Variants in USH2A observed in about 807,000 individuals in gnomAD.
USH2A encodes Usher syndrome 2A (autosomal recessive, mild).
A neutral mutation model predicts 538.9 loss-of-function variants in USH2A; 443 were observed. That is an observed-to-expected ratio of 0.82 (90% CI 0.76 to 0.89). USH2A has a LOEUF of 0.89. Ranked by LOEUF, USH2A falls within the 40% of genes least tolerant of loss-of-function variation. The pLI is 0.00. For synonymous variants in USH2A, 2,413 were observed against 2,273.5 expected, an observed-to-expected ratio of 1.06 and a Z score of -1.75; for missense variants, 6,633 against 6,324.8, an observed-to-expected ratio of 1.05 and a Z score of -1.65.
chr1:215,707,718 A>G (rs1659219426), intron 61 of USH2A, among the ~76,000 whole-genome samples: 1 of 152,222 alleles, frequency 6.6e-6, no homozygotes, highest in East Asian at 1.9e-4. Context: ...TAGGCACTAA[A>G]TGGAAAGGAA....
At chr1:216,083,235 T>TA in intron 26 of USH2A, 1 of 445,694 alleles carries the variant, frequency 2.2e-6, no homozygotes, top group African/African-American at 2.0e-5. Context: ...TCTGTTTTCT[T>TA]AAAATTATAA....
chr1:216,239,621 G>A (rs1231492849), intron 13 of USH2A, among the ~76,000 whole-genome samples: 1 of 152,132 alleles, frequency 6.6e-6, no homozygotes, highest in African/African-American at 2.4e-5. Flanking sequence ...TATTAGCTAT[G>A]GTGAAAAGCA....
intron 21 of USH2A, among the ~76,000 whole-genome samples, chr1:216,105,050 C>T (rs1445175215): frequency 6.6e-6 from 1 of 152,088 alleles, no homozygotes; most frequent in Non-Finnish European, 1.5e-5. Context: ...CCAACAGACA[C>T]ATGAAAAAAT....
rs1661682573 is a variant in USH2A, at chr1:215,782,850, T to C, written c.10473A>G (p.Arg3491=). Residue 3491 remains arginine, a synonymous_variant, in exon 53 of 72, where the codon AGA becomes AGG. Coordinates refer to ENST00000307340, the MANE Select transcript of USH2A (RefSeq NM_206933.4). ...SYGRGLSKAV[R]ARTKEDVPQG... ...GAGGCACATCTTCTTTTGTTCTGGCTCTCACAGCTTTGCTGAGTCCTCGCC... is the reference window on the plus strand; with the variant it reads ...GAGGCACATCTTCTTTTGTTCTGGCCCTCACAGCTTTGCTGAGTCCTCGCC... 1 of 1,613,978 alleles carries C rather than the reference T, an allele frequency of 6.2e-7. No individual in the cohort carries two copies. Among genetic ancestry groups the C allele is most frequent in the East Asian group, 2.2e-5 (1 of 44,860 alleles).
chr1:216,339,824 C>G (rs1409264613), intron 4 of USH2A, among the ~76,000 whole-genome samples: 1 of 151,202 alleles, frequency 6.6e-6, no homozygotes, highest in African/African-American at 2.5e-5. Flanking sequence ...CTCTGGAACA[C>G]AGCTAAGGCA....
chr1:215,636,138 A>C (rs1219021953), intron 69 of USH2A, among the ~76,000 whole-genome samples: 1 of 152,180 alleles, frequency 6.6e-6, no homozygotes, highest in South Asian at 2.1e-4. Context: ...AAGAACAAGC[A>C]GACACAACTG....
chr1:215,665,383 T>G (rs1402459883), intron 64 of USH2A, among the ~76,000 whole-genome samples: 13 of 152,126 alleles, frequency 8.5e-5, no homozygotes, highest in Admixed American at 8.5e-4. Context: ...ACCCTGAGTG[T>G]GCGTGGGTGC....
chr1:216,163,631 A>G (rs547111672), intron 21 of USH2A, among the ~76,000 whole-genome samples: 1,986 of 105,666 alleles, frequency 0.019, 38 homozygotes, highest in African/African-American at 0.069. Flanking sequence ...TTTGGTAAAA[A>G]AATAACTTTT....
At chr1:215,751,186 T>C (rs193158753) in intron 58 of USH2A, among the ~76,000 whole-genome samples, 1 of 152,272 alleles carries the variant, frequency 6.6e-6, no homozygotes, top group East Asian at 1.9e-4. Flanking sequence ...TGCCAAGATG[T>C]CTAATGTCCA....
intron 55 of USH2A, among the ~76,000 whole-genome samples, chr1:215,777,785 T>C (rs966814307): frequency 9.2e-5 from 14 of 152,242 alleles, no homozygotes; most frequent in African/African-American, 3.4e-4. Flanking sequence ...ATACAGGCAG[T>C]GAATGCCTTG....
At chr1:216,395,988 A>G (rs1182870862) in intron 3 of USH2A, among the ~76,000 whole-genome samples, 1 of 152,060 alleles carries the variant, frequency 6.6e-6, no homozygotes, top group East Asian at 1.9e-4. Context: ...CACTGTTTCA[A>G]CTCCTCCACA....
At chr1:216,046,008 TGTGTG>T (rs770026214) in intron 32 of USH2A, among the ~76,000 whole-genome samples, 8 of 59,648 alleles carry the variant, frequency 1.3e-4, no homozygotes, top group Non-Finnish European at 2.2e-4. Flanking sequence ...ATTTATCTGG[TGTGTG>T]TGTGTGTGTG....
intron 3 of USH2A, among the ~76,000 whole-genome samples, chr1:216,377,811 GAAAGAAAGAA>G (rs2038854542): frequency 1.2e-4 from 1 of 8,188 alleles, no homozygotes; most frequent in African/African-American, 3.8e-4. Flanking sequence ...GAAATAAAAA[GAAAGAAAGAA>G]AGAAAGAAAG....
Position 215,888,504 on chromosome 1 carries a change from T to C in USH2A, c.8145A>G (p.Val2715=), listed in dbSNP as rs761743985. 3.7e-6 allele frequency: 6 copies of C among 1,614,166 alleles called. No homozygotes were observed. In the South Asian group the frequency reaches 6.6e-5, roughly 18 times the overall value. The change falls in exon 41 of 72, where the codon GTA becomes GTG. Residue 2715 remains valine, a synonymous_variant. Transcript: ENST00000307340. ...LHGGTNSSAW[V]EVTTRPSRPA... is the part of the protein sequence containing the mutation. ...GTCGTGAGGGTCTTGTGGTAACTTC[T>C]ACCCAAGCACTGCTGTTTGTGCCTC...
At chr1:215,726,807 T>C (rs1417413477) in intron 61 of USH2A, among the ~76,000 whole-genome samples, 1 of 152,308 alleles carries the variant, frequency 6.6e-6, no homozygotes, top group East Asian at 1.9e-4. Context: ...GCCTAACACT[T>C]GGTATATGAT....
At chr1:216,344,293 A>C (rs12078537) in intron 4 of USH2A, among the ~76,000 whole-genome samples, 2,766 of 152,192 alleles carry the variant, frequency 0.018, 89 homozygotes, top group African/African-American at 0.061. Context: ...TGTCTGTCAA[A>C]ATTTAAGATT....
intron 13 of USH2A, among the ~76,000 whole-genome samples, chr1:216,235,489 C>G (rs988709801): frequency 7.2e-5 from 11 of 152,238 alleles, no homozygotes; most frequent in Middle Eastern, 3.4e-3. Context: ...TTAGACATGA[C>G]AAATCTCAAG....
chr1:216,056,782 T>TTG lies in USH2A; in HGVS notation c.6050-8137_6050-8136dup, dbSNP rs148484406. On this transcript the variant is annotated intron_variant, in intron 30 of 71. Transcript: ENST00000307340. ...TTTATAAGAAATTCTATGTGTGCAT[T>TTG]TGTGTGTGTGTGTGTGTGTGTGAGA... Among the ~76,000 whole-genome samples, 1,473 of 149,360 alleles carry TTG rather than the reference T, an allele frequency of 9.9e-3. 24 individuals are homozygous for TTG. The highest frequency in any genetic ancestry group is 0.028 in the African/African-American group (1,155 of 40,644).
intron 52 of USH2A, among the ~76,000 whole-genome samples, chr1:215,783,342 TTTG>T (rs1194721923): frequency 6.6e-6 from 1 of 152,224 alleles, no homozygotes; most frequent in Admixed American, 6.5e-5. Context: ...TTTCTGTTAC[TTTG>T]TTAATATTAC....
Sources: allele counts gnomAD v4.1 joint callset (sites outside exome capture counted in the v4.1 genomes callset), GRCh38; gene constraint gnomAD v4.1.1; transcripts MANE v1.5; gene names NCBI Gene and HGNC (gene_info 2026-07-23, HGNC 2026-07-21).